The following H3C2 variants were observed in gnomAD, a reference collection of about 807,000 sequenced individuals.
The protein encoded by H3C2 is histone H3.1.
A neutral mutation model predicts 8.7 loss-of-function variants in H3C2; 13 were observed. The ratio of observed to expected loss-of-function variants is 1.49; its 90% CI spans 0.97 to 2.37. The LOEUF is 2.37. Among genes scored for constraint, H3C2 ranks in the 30% most tolerant of loss-of-function variants. The pLI, the probability that H3C2 is intolerant of heterozygous loss-of-function variation, is 0.00. For synonymous variants in H3C2, 166 were observed against 77.6 expected, an observed-to-expected ratio of 2.14 and a Z score of -5.99; for missense variants, 144 against 190.4, an observed-to-expected ratio of 0.76 and a Z score of 1.44.
rs1011377314 is a variant in H3C2, at chr6:26,031,902, G to A, written c.159C>T (p.Arg53=). The A allele has an allele frequency of 1.2e-6, 2 of 1,614,264 alleles. No individual in the cohort carries two copies. Among genetic ancestry groups the A allele is most frequent in the South Asian group, 1.1e-5 (1 of 91,090 alleles). The change falls in exon 1 of 1, where the codon CGC becomes CGT. Residue 53 remains arginine (R), a synonymous_variant. Coordinates refer to ENST00000621411, the MANE Select transcript of H3C2 (RefSeq NM_003537.4). ...RPGTVALREI[R]RYQKSTELLI... Reference sequence around the variant, plus strand: ...GCAACTCGGTCGACTTTTGGTAGCGGCGGATCTCGCGCAGAGCCACAGTGC... The same window carrying A: ...GCAACTCGGTCGACTTTTGGTAGCGACGGATCTCGCGCAGAGCCACAGTGC...
In H3C2 at chr6:26,031,717, G is replaced by A. The variant is rs1194497976; in HGVS notation, c.344C>T (p.Ala115Val). The A allele has an allele frequency of 2.5e-6, 4 of 1,614,130 alleles. No individual in the cohort carries two copies. Among genetic ancestry groups the A allele is most frequent in the Admixed American group, 1.7e-5 (1 of 60,016 alleles). ...FEDTNLCAIH[A>V]KRVTIMPKDI... is the part of the protein sequence containing the mutation. ...TTTGGGCATAATAGTCACTCGCTTA[G>A]CATGGATGGCGCAAAGGTTTGTGTC... Residue 115 changes from alanine (A) to valine (V), a missense_variant, in exon 1 of 1, where the codon GCT becomes GTT. Ala to Val is a moderately conservative substitution (Grantham distance 64). Transcript: ENST00000621411.
Position 26,031,797 on chromosome 6 carries a change from A to T in H3C2, c.264T>A (p.Ser88=), listed in dbSNP as rs761309353. ...DFKTDLRFQS[S]AVMALQEACE... ...AAGCCTCCTGCAGCGCCATCACCGC[A>T]GAGCTCTGGAAGCGAAGATCGGTCT... The change falls in exon 1 of 1, where the codon TCT becomes TCA. Residue 88 remains serine (S), a synonymous_variant. Coordinates refer to ENST00000621411, the MANE Select transcript of H3C2 (RefSeq NM_003537.4). 6.2e-7 allele frequency: 1 copy of T among 1,614,246 alleles called. No homozygotes were observed. Among genetic ancestry groups the T allele is most frequent in the Non-Finnish European group, 8.5e-7 (1 of 1,180,050 alleles).
rs1195620063 is a variant in H3C2, at chr6:26,031,751, G to A, written c.310C>T (p.Leu104Phe). The A allele has an allele frequency of 2.5e-6, 4 of 1,614,112 alleles. No homozygotes were observed. The highest frequency in any genetic ancestry group is 2.2e-5 in the East Asian group (1 of 44,898). The stretch of plus-strand genomic sequence containing the variant: ...GCGCAAAGGTTTGTGTCCTCAAAGA[G>A]CCCTACCAAGTAGGCCTCACAAGCC... ...QEACEAYLVG[L>F]FEDTNLCAIH... The change falls in exon 1 of 1, where the codon CTC (leucine) becomes TTC (phenylalanine). Residue 104 changes from leucine to phenylalanine, a missense_variant. Leu to Phe is a conservative substitution (Grantham distance 22). Coordinates refer to ENST00000621411, the MANE Select transcript of H3C2 (RefSeq NM_003537.4).
In H3C2 at chr6:26,032,084, C is replaced by T. The variant is rs747911994; in HGVS notation, c.-24G>A. The stretch of plus-strand genomic sequence containing the variant: ...ATGGCAAAACCACAGAAAAGCTTGC[C>T]TGCAGAGACGTCTGTGGAGGAAAGG... On this transcript the variant is annotated 5_prime_UTR_variant, in exon 1 of 1. Transcript: ENST00000621411. 1.1e-5 allele frequency: 17 copies of T among 1,593,764 alleles called. No homozygotes were observed. The highest frequency in any genetic ancestry group is 2.7e-5 in the African/African-American group (2 of 73,810).
rs2113678426 is a variant in H3C2 at position 26,031,871 on chromosome 6, G to T, written c.190C>A (p.Arg64=). 1 of 1,614,236 alleles carries T rather than the reference G, an allele frequency of 6.2e-7. No individual in the cohort carries two copies. The highest frequency in any genetic ancestry group is 8.5e-7 in the Non-Finnish European group (1 of 1,180,050). Residue 64 remains arginine, a synonymous_variant, in exon 1 of 1, where the codon CGG becomes AGG. Coordinates refer to ENST00000621411, the MANE Select transcript of H3C2 (RefSeq NM_003537.4). ...ACCAGGCGCTGGAACGGCAGCTTCCGAATCAGCAACTCGGTCGACTTTTGG... is the reference window on the plus strand; with the variant it reads ...ACCAGGCGCTGGAACGGCAGCTTCCTAATCAGCAACTCGGTCGACTTTTGG... ...RYQKSTELLI[R]KLPFQRLVRE... is the part of the protein sequence containing the mutation.
chr6:26,031,988 C>G lies in H3C2; in HGVS notation c.73G>C (p.Ala25Pro), dbSNP rs2113678919. Residue 25 changes from alanine to proline, a missense_variant, in exon 1 of 1, where the codon GCT becomes CCT. Transcript: ENST00000621411. ...GTAGCCGGCGCGCTCTTGCGAGCAG[C>G]CTTGGTAGCCAGCTGCTTGCGTGGC... ...KAPRKQLATKAARKSAPATGG... is the reference protein window; with the variant it reads ...KAPRKQLATKPARKSAPATGG... 6.2e-7 allele frequency: 1 copy of G among 1,614,124 alleles called. No homozygotes were observed. Among genetic ancestry groups the G allele is most frequent in the Non-Finnish European group, 8.5e-7 (1 of 1,180,040 alleles).
Position 26,031,601 on chromosome 6 carries a change from CTGAAAAGAGCCTT to C in H3C2, c.*36_*48del. The C allele has an allele frequency of 6.3e-7, 1 of 1,579,324 alleles. No individual in the cohort carries two copies. The highest frequency in any genetic ancestry group is 8.6e-7 in the Non-Finnish European group (1 of 1,162,896). On this transcript the variant is annotated 3_prime_UTR_variant, in exon 1 of 1. Coordinates refer to ENST00000621411, the MANE Select transcript of H3C2 (RefSeq NM_003537.4). ...CTTTCGTTGGAATAAGTGGGTGGCT[CTGAAAAGAGCCTT>C]TGGGTTTTAAGACTGATGAAAAAGT...
chr6:26,031,665 G>A lies in H3C2; in HGVS notation c.396C>T (p.Arg132=), dbSNP rs2113677565. ...GACTTTACATTTACGCTCTTTCTCC[G>A]CGAATGCGGCGAGCGAGCTGGATGT... The part of the protein sequence containing the change: ...PKDIQLARRI[R]GERA The change falls in exon 1 of 1, where the codon CGC becomes CGT. Residue 132 remains arginine (R), a synonymous_variant. Coordinates refer to ENST00000621411, the MANE Select transcript of H3C2 (RefSeq NM_003537.4). The A allele has an allele frequency of 1.2e-6, 2 of 1,613,372 alleles. No individual in the cohort carries two copies. Among genetic ancestry groups the A allele is most frequent in the Non-Finnish European group, 8.5e-7 (1 of 1,179,850 alleles).
chr6:26,032,093 C>A lies in H3C2; in HGVS notation c.-33G>T, dbSNP rs764414489. 6.3e-7 allele frequency: 1 copy of A among 1,579,130 alleles called. No homozygotes were observed. The highest frequency in any genetic ancestry group is 2.2e-5 in the East Asian group (1 of 44,664). On this transcript the variant is annotated 5_prime_UTR_variant, in exon 1 of 1. Transcript: ENST00000621411. ...CCACAGAAAAGCTTGCCTGCAGAGA[C>A]GTCTGTGGAGGAAAGGAAAGAGCTA...
Position 26,032,072 on chromosome 6 carries a change from A to G in H3C2, c.-12T>C, listed in dbSNP as rs761537648. The G allele has an allele frequency of 1.5e-5, 24 of 1,601,266 alleles. No individual in the cohort carries two copies. Among genetic ancestry groups the G allele is most frequent in the African/African-American group, 1.1e-4 (8 of 74,134 alleles). ...TTAGTACGAGCCATGGCAAAACCAC[A>G]GAAAAGCTTGCCTGCAGAGACGTCT... On this transcript the variant is annotated 5_prime_UTR_variant, in exon 1 of 1. Transcript: ENST00000621411.
Position 26,031,965 on chromosome 6 carries a change from A to T in H3C2, c.96T>A (p.Ala32=), listed in dbSNP as rs1163499534. 1 of 1,614,202 alleles carries T rather than the reference A, an allele frequency of 6.2e-7. No homozygotes were observed. The highest frequency in any genetic ancestry group is 8.5e-7 in the Non-Finnish European group (1 of 1,180,032). Residue 32 remains alanine, a synonymous_variant, in exon 1 of 1, where the codon GCT becomes GCA. Transcript: ENST00000621411. ...GGTGAGGCTTTTTCACGCCGCCGGT[A>T]GCCGGCGCGCTCTTGCGAGCAGCCT... ...ATKAARKSAP[A]TGGVKKPHRY...
rs1394217848 is a variant in H3C2, at chr6:26,031,865, G to A, written c.196C>T (p.Leu66=). The A allele has an allele frequency of 5.6e-6, 9 of 1,614,260 alleles. No homozygotes were observed. The Admixed American group carries it at 1.0e-4, about 18-fold the overall frequency. The change falls in exon 1 of 1, where the codon CTG becomes TTG. Residue 66 remains leucine (L), a synonymous_variant. Coordinates refer to ENST00000621411, the MANE Select transcript of H3C2 (RefSeq NM_003537.4). Reference sequence around the variant, plus strand: ...TCTCGCACCAGGCGCTGGAACGGCAGCTTCCGAATCAGCAACTCGGTCGAC... The same window carrying A: ...TCTCGCACCAGGCGCTGGAACGGCAACTTCCGAATCAGCAACTCGGTCGAC... ...QKSTELLIRK[L]PFQRLVREIA...
In H3C2 at chr6:26,031,884, G is replaced by C. The variant is rs754728737; in HGVS notation, c.177C>G (p.Thr59=). The change falls in exon 1 of 1, where the codon ACC becomes ACG. Residue 59 remains threonine, a synonymous_variant. Coordinates refer to ENST00000621411, the MANE Select transcript of H3C2 (RefSeq NM_003537.4). ...ACGGCAGCTTCCGAATCAGCAACTCGGTCGACTTTTGGTAGCGGCGGATCT... is the reference window on the plus strand; with the variant it reads ...ACGGCAGCTTCCGAATCAGCAACTCCGTCGACTTTTGGTAGCGGCGGATCT... ...LREIRRYQKS[T]ELLIRKLPFQ... is the part of the protein sequence containing the mutation. The C allele has an allele frequency of 3.1e-6, 5 of 1,614,236 alleles. No homozygotes were observed. Among genetic ancestry groups the C allele is most frequent in the Non-Finnish European group, 3.4e-6 (4 of 1,180,038 alleles).
rs115651536 is a variant in H3C2 at position 26,031,627 on chromosome 6, C to G, written c.*23G>C. The G allele has an allele frequency of 6.2e-6, 10 of 1,607,190 alleles. No individual in the cohort carries two copies. In the South Asian group the frequency reaches 1.1e-4, roughly 18 times the overall value. ...TGAAAAGAGCCTTTGGGTTTTAAGACTGATGAAAAAGTGACTTTACATTTA... is the reference window on the plus strand; with the variant it reads ...TGAAAAGAGCCTTTGGGTTTTAAGAGTGATGAAAAAGTGACTTTACATTTA... On this transcript the variant is annotated 3_prime_UTR_variant, in exon 1 of 1. Transcript: ENST00000621411.
Position 26,031,638 on chromosome 6 carries a change from GTGACT to G in H3C2, c.*7_*11del, listed in dbSNP as rs1175168646. On this transcript the variant is annotated 3_prime_UTR_variant, in exon 1 of 1. Coordinates refer to ENST00000621411, the MANE Select transcript of H3C2 (RefSeq NM_003537.4). Reference sequence around the variant, plus strand: ...TTTGGGTTTTAAGACTGATGAAAAAGTGACTTTACATTTACGCTCTTTCTCCGCGA... The same window carrying G: ...TTTGGGTTTTAAGACTGATGAAAAAGTTACATTTACGCTCTTTCTCCGCGA... 4 of 1,609,038 alleles carry G rather than the reference GTGACT, an allele frequency of 2.5e-6. No individual in the cohort carries two copies. In the East Asian group the frequency reaches 9.1e-5, roughly 37 times the overall value.
In H3C2 at chr6:26,031,879, A is replaced by C; in HGVS notation, c.182T>G (p.Leu61Trp). The C allele has an allele frequency of 6.2e-7, 1 of 1,614,262 alleles. No homozygotes were observed. The highest frequency in any genetic ancestry group is 8.5e-7 in the Non-Finnish European group (1 of 1,180,050). The change falls in exon 1 of 1, where the codon TTG becomes TGG. Residue 61 changes from leucine to tryptophan, a missense_variant. By Grantham distance (61) the Leu-to-Trp change is moderately conservative. Coordinates refer to ENST00000621411, the MANE Select transcript of H3C2 (RefSeq NM_003537.4). The stretch of plus-strand genomic sequence containing the variant: ...CTGGAACGGCAGCTTCCGAATCAGC[A>C]ACTCGGTCGACTTTTGGTAGCGGCG... ...EIRRYQKSTE[L>W]LIRKLPFQRL...
chr6:26,031,918 G>A lies in H3C2; in HGVS notation c.143C>T (p.Ala48Val), dbSNP rs1761466131. 6.2e-7 allele frequency: 1 copy of A among 1,614,136 alleles called. No homozygotes were observed. The highest frequency in any genetic ancestry group is 1.3e-5 in the African/African-American group (1 of 74,948). The change falls in exon 1 of 1, where the codon GCT (alanine) becomes GTT (valine). Residue 48 changes from alanine to valine, a missense_variant. By Grantham distance (64) the Ala-to-Val change is moderately conservative (BLOSUM62 0). Transcript: ENST00000621411. ...KPHRYRPGTV[A>V]LREIRRYQKS... ...TTGGTAGCGGCGGATCTCGCGCAGA[G>A]CCACAGTGCCCGGGCGGTAACGGTG... is the stretch of plus-strand genomic sequence containing the variant.
chr6:26,031,688 T>G lies in H3C2; in HGVS notation c.373A>C (p.Ile125Leu), dbSNP rs2113677654. 6.2e-7 allele frequency: 1 copy of G among 1,613,794 alleles called. No individual in the cohort carries two copies. The highest frequency in any genetic ancestry group is 8.5e-7 in the Non-Finnish European group (1 of 1,179,944). Residue 125 changes from isoleucine (I) to leucine (L), a missense_variant, in exon 1 of 1, where the codon ATC (isoleucine) becomes CTC (leucine). Ile to Leu is a conservative substitution (Grantham distance 5). Transcript: ENST00000621411. ...AKRVTIMPKD[I>L]QLARRIRGER... Reference sequence around the variant, plus strand: ...CCGCGAATGCGGCGAGCGAGCTGGATGTCTTTGGGCATAATAGTCACTCGC... The same window carrying G: ...CCGCGAATGCGGCGAGCGAGCTGGAGGTCTTTGGGCATAATAGTCACTCGC...
Position 26,031,841 on chromosome 6 carries a change from C to G in H3C2, c.220G>C (p.Glu74Gln), listed in dbSNP as rs1761463123. The part of the protein sequence containing the change: ...RKLPFQRLVR[E>Q]IAQDFKTDLR... ...TCGGTCTTGAAGTCTTGGGCGATTT[C>G]TCGCACCAGGCGCTGGAACGGCAGC... The change falls in exon 1 of 1, where the codon GAA becomes CAA. Residue 74 changes from glutamate to glutamine, a missense_variant. Coordinates refer to ENST00000621411, the MANE Select transcript of H3C2 (RefSeq NM_003537.4). 6.2e-7 allele frequency: 1 copy of G among 1,614,252 alleles called. No homozygotes were observed. Among genetic ancestry groups the G allele is most frequent in the Non-Finnish European group, 8.5e-7 (1 of 1,180,048 alleles).
Sources: allele counts gnomAD v4.1 joint callset, GRCh38; gene constraint gnomAD v4.1.1; transcripts MANE v1.5; gene names NCBI Gene and HGNC (gene_info 2026-07-23, HGNC 2026-07-21).